Variants in PAGE1 observed in about 807,000 individuals in gnomAD.
PAGE1 encodes P antigen family member 1.
In PAGE1, 6 loss-of-function variants were observed where a neutral mutation model predicts 11.5. That is an observed-to-expected ratio of 0.52 (90% CI 0.29 to 1.03). PAGE1 has a LOEUF of 1.03. Ranked by LOEUF, PAGE1 falls within the 50% of genes least tolerant of loss-of-function variation. The probability of loss-of-function intolerance (pLI) is 0.09; values close to 1 mark genes in which losing one functional copy is unlikely to be tolerated. For synonymous variants in PAGE1, 42 were observed against 40.2 expected (o/e 1.05, Z -0.17); for missense variants, 120 against 110.2 (o/e 1.09, Z -0.40).
chrX:49,695,205 C>T (rs1336612499), intron 1 of PAGE1, among the ~76,000 whole-genome samples: 1 of 112,286 alleles, frequency 8.9e-6, no homozygotes, highest in Non-Finnish European at 1.9e-5. Flanking sequence ...GTTTCACAAG[C>T]GGACTCCACA....
intron 3 of PAGE1, 100 bp downstream of exon 3, chrX:49,693,999 C>T: frequency 2.3e-6 from 1 of 441,177 alleles, no homozygotes; most frequent in East Asian, 4.4e-5. Flanking sequence ...TCCTCCTGTT[C>T]CTGGTATGTG....
Position 49,687,550 on chromosome X carries a change from T to C in PAGE1, c.432A>G (p.Ser144=), listed in dbSNP as rs782692601. ...TTCAGCGTGTCTTCTTTTAAGGCTG[T>C]GATTGCCCTTCATCTGTAACAGAAA... ...VKTPEEDEGQ[S]QP The change falls in exon 6 of 6, where the codon TCA becomes TCG. Residue 144 remains serine (S), a synonymous_variant. Transcript: ENST00000376150. 1.7e-6 allele frequency: 2 copies of C among 1,204,669 alleles called. No homozygotes were observed.
At position 49,689,794 on chromosome X, in the gene PAGE1, A is replaced by G. The variant is rs782308255; in HGVS notation, c.293-251T>C. ...TGTGTGTATATATACACACATATAT[A>G]TGTATATATATGTGTATATACACAC... On this transcript the variant is annotated intron_variant, in intron 4 of 5. Transcript: ENST00000376150. Among the ~76,000 whole-genome samples, 26 of 59,921 alleles carry G rather than the reference A, an allele frequency of 4.3e-4. 1 individual carries two copies. Among genetic ancestry groups the G allele is most frequent in the East Asian group, 7.0e-4 (1 of 1,419 alleles). 52.0% of individuals were successfully genotyped at this position (59,921 alleles called of 115,157 possible).
At chrX:49,693,229 A>G (rs1357330592) in intron 3 of PAGE1, among the ~76,000 whole-genome samples, 1 of 111,653 alleles carries the variant, frequency 9.0e-6, no homozygotes, top group East Asian at 2.8e-4. Context: ...CCATAAATGA[A>G]CCCCATGTAG....
At chrX:49,695,532 G>A (rs2066938605) in intron 1 of PAGE1, among the ~76,000 whole-genome samples, 1 of 111,463 alleles carries the variant, frequency 9.0e-6, no homozygotes, top group African/African-American at 3.3e-5. Context: ...TCAGGACTCA[G>A]GAATGTGCCC....
At position 49,690,899 on chromosome X, in the gene PAGE1, G is replaced by C. The variant is rs2066917810; in HGVS notation, c.292+350C>G. On this transcript the variant is annotated intron_variant, in intron 4 of 5. Transcript: ENST00000376150. The stretch of plus-strand genomic sequence containing the variant: ...AAAAAAAAAAAAGAAACATTTATTT[G>C]TCAGGCACTGTGGCAGGGCTGTAAC... Among the ~76,000 whole-genome samples, 5 of 107,906 alleles carry C rather than the reference G, an allele frequency of 4.6e-5. No individual in the cohort carries two copies. The South Asian group carries it at 2.0e-3, about 44-fold the overall frequency. The allele number at this position is 107,906 out of a possible 115,157, so 93.7% of individuals were successfully genotyped here.
At chrX:49,691,167 G>T in intron 4 of PAGE1, 82 bp downstream of exon 4, 1 of 997,653 alleles carries the variant, frequency 1.0e-6, no homozygotes, top group Non-Finnish European at 1.4e-6. Context: ...GACAGAGTGA[G>T]ACTCCATCTC....
chrX:49,691,440 T>C (rs782144985), intron 3 of PAGE1, 66 bp from the exon 4 acceptor site: 7 of 923,000 alleles, frequency 7.6e-6, no homozygotes, highest in East Asian at 3.2e-5. Flanking sequence ...GAAAATAATA[T>C]TCATGCTCTT....
chrX:49,691,185 A>G, intron 4 of PAGE1, 64 bp downstream of exon 4: 1 of 1,129,805 alleles, frequency 8.9e-7, no homozygotes, highest in African/African-American at 1.8e-5. Context: ...CTCAGAAAAA[A>G]AAGAAAATTA....
intron 5 of PAGE1, 90 bp downstream of exon 5, chrX:49,689,328 G>C (rs1184803730): frequency 3.5e-6 from 3 of 858,418 alleles, no homozygotes; most frequent in Non-Finnish European, 4.4e-6. Context: ...TTGACAGAGC[G>C]AGACTCTGTC....
chrX:49,689,253 A>G (rs1397397526), intron 5 of PAGE1, among the ~76,000 whole-genome samples, 165 bp downstream of exon 5: 4 of 108,659 alleles, frequency 3.7e-5, no homozygotes, highest in Non-Finnish European at 7.6e-5. Flanking sequence ...AGGGAGGAGA[A>G]TCACTTGAAC....
intron 1 of PAGE1, among the ~76,000 whole-genome samples, chrX:49,695,096 C>T (rs782308667): frequency 4.4e-5 from 5 of 113,025 alleles, no homozygotes; most frequent in Admixed American, 1.9e-4. Flanking sequence ...CAGCCTCGAC[C>T]TCCCGCTCAC....
chrX:49,694,135 C>A lies in PAGE1; in HGVS notation c.130G>T (p.Glu44Ter). 1.7e-6 allele frequency: 2 copies of A among 1,196,474 alleles called. No individual in the cohort carries two copies. The highest frequency in any genetic ancestry group is 4.5e-5 in the Admixed American group (2 of 44,402). ...GATGCTCCCTCATCCTCTCTCTCTT[C>A]AGCAGGTGTAGAATCCTGACTTTGA... ...PTQSQDSTPA[E>*]EREDEGASAA... Residue 44 changes from glutamate (E) to a stop codon, truncating the protein, a stop_gained, in exon 3 of 6, where the codon GAA becomes TAA. Transcript: ENST00000376150. LOFTEE classifies it high-confidence loss of function.
chrX:49,693,249 C>T (rs781920413), intron 3 of PAGE1, among the ~76,000 whole-genome samples: 5 of 111,588 alleles, frequency 4.5e-5, no homozygotes, highest in African/African-American at 1.6e-4. Flanking sequence ...GAACAAAGCA[C>T]CAAAAATAAC....
chrX:49,688,686 T>C (rs1569533368), intron 5 of PAGE1, among the ~76,000 whole-genome samples: 2 of 111,855 alleles, frequency 1.8e-5, no homozygotes, highest in Non-Finnish European at 3.8e-5. Flanking sequence ...AACTCACTAT[T>C]TTTATAAGAC....
chrX:49,690,131 A>ATAAT (rs2147144714), intron 4 of PAGE1, among the ~76,000 whole-genome samples: 1 of 87,251 alleles, frequency 1.1e-5, no homozygotes, highest in South Asian at 6.0e-4. Flanking sequence ...GTGTATATAT[A>ATAAT]CACATATATA....
intron 3 of PAGE1, among the ~76,000 whole-genome samples, chrX:49,692,539 T>C (rs1557142321): frequency 9.0e-6 from 1 of 111,373 alleles, no homozygotes; most frequent in African/African-American, 3.3e-5. Flanking sequence ...TTCTTGCAAA[T>C]TTTCTACAAA....
At chrX:49,694,530 A>T (rs1557142618) in intron 2 of PAGE1, among the ~76,000 whole-genome samples, 178 bp downstream of exon 2, 1 of 111,424 alleles carries the variant, frequency 9.0e-6, no homozygotes, top group African/African-American at 3.3e-5. Flanking sequence ...AGAAAAAAAA[A>T]ATCCTCCTGA....
At chrX:49,693,987 A>T (rs1307158133) in intron 3 of PAGE1, 112 bp downstream of exon 3, 2 of 410,707 alleles carry the variant, frequency 4.9e-6, no homozygotes, top group Non-Finnish European at 8.1e-6. Flanking sequence ...CATGGCTTTC[A>T]TTCCTCCTGT....
Sources: allele counts gnomAD v4.1 joint callset (sites outside exome capture counted in the v4.1 genomes callset), GRCh38; gene constraint gnomAD v4.1.1; transcripts MANE v1.5; gene names NCBI Gene and HGNC (gene_info 2026-07-23, HGNC 2026-07-21).